EYS: variants seen among roughly 807,000 people sequenced by gnomAD.
EYS encodes the protein protein eyes shut homolog.
EYS carries 250 observed loss-of-function variants against 282.1 expected under a neutral mutation model. That is an observed-to-expected ratio of 0.89 (90% CI 0.80 to 0.98). The LOEUF (loss-of-function observed/expected upper bound fraction) is 0.98. EYS is among the 50% of genes least tolerant of loss of function. EYS has a pLI of 0.00. For synonymous variants in EYS, 1,355 were observed against 1,282.9 expected, an observed-to-expected ratio of 1.06 and a Z score of -1.20; for missense variants, 4,016 against 3,709.0, an observed-to-expected ratio of 1.08 and a Z score of -2.15.
intron 31 of EYS, among the ~76,000 whole-genome samples, chr6:64,126,267 C>T (rs531001297): frequency 4.1e-4 from 62 of 151,442 alleles, no homozygotes; most frequent in African/African-American, 1.5e-3. Flanking sequence ...ATGTTTATTG[C>T]GGCACTATTC....
intron 22 of EYS, among the ~76,000 whole-genome samples, chr6:64,712,446 G>A (rs991611921): frequency 2.0e-5 from 3 of 152,184 alleles, no homozygotes; most frequent in African/African-American, 2.4e-5. Context: ...GGACGAGGAA[G>A]CTGGAGGAAG....
chr6:65,123,757 C>CA (rs374243995), intron 12 of EYS, among the ~76,000 whole-genome samples: 31,029 of 140,638 alleles, frequency 0.22, 3,446 homozygotes, highest in African/African-American at 0.33. Context: ...CACCCACCCA[C>CA]CCACACACAC....
chr6:64,935,830 A>T (rs753485196), intron 15 of EYS, among the ~76,000 whole-genome samples: 1 of 151,760 alleles, frequency 6.6e-6, no homozygotes, highest in Non-Finnish European at 1.5e-5. Flanking sequence ...CCACAAAATA[A>T]GTACATGAGT....
At chr6:64,464,864 C>T (rs1201314938) in intron 26 of EYS, among the ~76,000 whole-genome samples, 3 of 151,778 alleles carry the variant, frequency 2.0e-5, no homozygotes, top group East Asian at 3.9e-4. Context: ...CTACAGCTAC[C>T]TTAAGATAAA....
intron 12 of EYS, among the ~76,000 whole-genome samples, chr6:65,159,441 G>C (rs967897860): frequency 1.3e-5 from 2 of 150,772 alleles, no homozygotes; most frequent in African/African-American, 4.9e-5. Flanking sequence ...CTTAATTTTT[G>C]TATCTATTGT....
chr6:64,183,922 T>C (rs937069839), intron 31 of EYS, among the ~76,000 whole-genome samples: 4 of 152,158 alleles, frequency 2.6e-5, no homozygotes, highest in African/African-American at 9.6e-5. Context: ...TTAAAAAATT[T>C]TGTAACGCAA....
At chr6:65,135,435 C>A (rs1775996081) in intron 12 of EYS, among the ~76,000 whole-genome samples, 1 of 151,652 alleles carries the variant, frequency 6.6e-6, no homozygotes, top group Non-Finnish European at 1.5e-5. Flanking sequence ...GATAGAAGAC[C>A]TGTAGTTTAA....
chr6:65,334,845 T>A (rs1221572125), intron 11 of EYS, 135 bp downstream of exon 11: 1 of 714,864 alleles, frequency 1.4e-6, no homozygotes, highest in Non-Finnish European at 2.4e-6. Flanking sequence ...TATATGTATA[T>A]GTAAGTGTTT....
chr6:65,460,051 G>A (rs1233886204), intron 5 of EYS, among the ~76,000 whole-genome samples: 1 of 126,050 alleles, frequency 7.9e-6, no homozygotes, highest in Non-Finnish European at 1.7e-5. Context: ...ACTGATATAT[G>A]TGTGTATATA....
intron 31 of EYS, among the ~76,000 whole-genome samples, chr6:64,150,256 G>A (rs1774657419): frequency 1.3e-5 from 2 of 152,206 alleles, no homozygotes; most frequent in East Asian, 3.9e-4. Context: ...GTAAAGGGCT[G>A]AAAAGAAATC....
intron 23 of EYS, among the ~76,000 whole-genome samples, chr6:64,621,653 T>C (rs560139303): frequency 2.2e-4 from 34 of 152,324 alleles, no homozygotes; most frequent in African/African-American, 7.9e-4. Context: ...GTGGCAGATA[T>C]TATCTATGTT....
At chr6:65,431,626 ATAT>A (rs1767891472) in intron 5 of EYS, among the ~76,000 whole-genome samples, 1 of 152,114 alleles carries the variant, frequency 6.6e-6, no homozygotes, top group Admixed American at 6.6e-5. Flanking sequence ...TTAGGTGGAA[ATAT>A]TATGTGTTGG....
In EYS at chr6:64,639,481, G is replaced by A. The variant is rs1021663636; in HGVS notation, c.3444-13236C>T. 2.4e-4 allele frequency among the ~76,000 whole-genome samples: 22 copies of A among 90,724 alleles called. 8 individuals carry two copies. The highest frequency in any genetic ancestry group is 5.4e-4 in the African/African-American group (13 of 23,862). The allele number at this position is 90,724 out of a possible 152,430, so 59.5% of individuals were successfully genotyped here. On this transcript the variant is annotated intron_variant, in intron 22 of 42. Transcript: ENST00000503581. Reference sequence around the variant, plus strand: ...TGAAACATTCTATAAATTAAAAAGCGTTTTGCAGCTTTTAGTGAAAAGGCA... The same window carrying A: ...TGAAACATTCTATAAATTAAAAAGCATTTTGCAGCTTTTAGTGAAAAGGCA...
chr6:64,055,347 A>C (rs1770947075), intron 33 of EYS, among the ~76,000 whole-genome samples: 2 of 152,058 alleles, frequency 1.3e-5, no homozygotes, highest in East Asian at 3.9e-4. Context: ...CGTTTGAGGG[A>C]TACTTGATGT....
At chr6:64,689,626 G>T (rs4466235) in intron 22 of EYS, among the ~76,000 whole-genome samples, 8,616 of 152,114 alleles carry the variant, frequency 0.057, 314 homozygotes, top group East Asian at 0.15. Flanking sequence ...TACCAAAACA[G>T]AGATATAGGG....
intron 2 of EYS, among the ~76,000 whole-genome samples, chr6:65,560,312 ATAT>A (rs1768999076): frequency 1.6e-5 from 2 of 127,112 alleles, no homozygotes; most frequent in Admixed American, 1.7e-4. Flanking sequence ...AATATATAAT[ATAT>A]TATTAATATA....
intron 12 of EYS, among the ~76,000 whole-genome samples, chr6:65,180,504 G>A (rs1404898436): frequency 5.3e-5 from 8 of 152,150 alleles, no homozygotes; most frequent in East Asian, 1.9e-4. Flanking sequence ...TACAAGGGAC[G>A]TGAAGGACCT....
chr6:64,218,930 G>A (rs1277435200), intron 31 of EYS, among the ~76,000 whole-genome samples: 1 of 152,126 alleles, frequency 6.6e-6, no homozygotes, highest in Non-Finnish European at 1.5e-5. Flanking sequence ...CTAATAACAT[G>A]TCAACCTTGT....
chr6:65,371,870 T>G (rs977582920), intron 8 of EYS, among the ~76,000 whole-genome samples: 2 of 151,470 alleles, frequency 1.3e-5, no homozygotes, highest in Admixed American at 1.3e-4. Flanking sequence ...TTTCAATTGT[T>G]GCAACTAAAA....
Sources: allele counts gnomAD v4.1 joint callset (sites outside exome capture counted in the v4.1 genomes callset), GRCh38; gene constraint gnomAD v4.1.1; transcripts MANE v1.5; gene names NCBI Gene and HGNC (gene_info 2026-07-23, HGNC 2026-07-21).